Variants in EPC2 observed in about 807,000 individuals in gnomAD.
The protein encoded by EPC2 is enhancer of polycomb 2, also known as enhancer of polycomb homolog 2.
A neutral mutation model predicts 92.1 loss-of-function variants in EPC2; 14 were observed. The observed-to-expected ratio is 0.15, with a 90% CI of 0.10 to 0.24. EPC2 has a LOEUF of 0.24. Ranked by LOEUF, EPC2 falls within the 10% of genes least tolerant of loss-of-function variation. EPC2 has a pLI of 1.00. For missense variants in EPC2, 755 were observed against 971.5 expected, an observed-to-expected ratio of 0.78 and a Z score of 2.96; for synonymous variants, 340 against 334.7, an observed-to-expected ratio of 1.02 and a Z score of -0.17.
At chr2:148,686,692 C>G (rs186548205) in intron 1 of EPC2, among the ~76,000 whole-genome samples, 1 of 152,180 alleles carries the variant, frequency 6.6e-6, no homozygotes, top group African/African-American at 2.4e-5. Flanking sequence ...ATGAAAATAG[C>G]ATTAATCTCC....
intron 2 of EPC2, among the ~76,000 whole-genome samples, chr2:148,714,714 G>C (rs1026820139): frequency 6.6e-6 from 1 of 152,142 alleles, no homozygotes; most frequent in African/African-American, 2.4e-5. Context: ...GTCTTCTTTG[G>C]AGAAGTGTCT....
chr2:148,751,363 AT>A (rs897658353), intron 3 of EPC2, among the ~76,000 whole-genome samples: 7 of 151,492 alleles, frequency 4.6e-5, no homozygotes, highest in African/African-American at 9.7e-5. Flanking sequence ...TGGTAGGATA[AT>A]TTTTTTTTAT....
Position 148,786,400 on chromosome 2 carries a change from T to A in EPC2, c.*23T>A. On this transcript the variant is annotated 3_prime_UTR_variant, in exon 14 of 14. Transcript: ENST00000258484. ...TAACCTAAAACACGTGGCTCTGACC[T>A]GTGCTGATGGTGTGCAGTCATTCAT... 6.3e-7 allele frequency: 1 copy of A among 1,581,904 alleles called. No homozygotes were observed. Among genetic ancestry groups the A allele is most frequent in the Non-Finnish European group, 8.6e-7 (1 of 1,158,080 alleles).
chr2:148,707,077 A>G (rs1468813541), intron 2 of EPC2, among the ~76,000 whole-genome samples: 1 of 152,216 alleles, frequency 6.6e-6, no homozygotes, highest in African/African-American at 2.4e-5. Flanking sequence ...GTCAAGACCC[A>G]TCAGTGTGCT....
chr2:148,746,322 G>T (rs1558827886), intron 3 of EPC2, among the ~76,000 whole-genome samples: 1 of 151,844 alleles, frequency 6.6e-6, no homozygotes. Context: ...ATCCTTTTGG[G>T]AACTGAACTT....
At chr2:148,775,430 A>C (rs912458103) in intron 10 of EPC2, among the ~76,000 whole-genome samples, 6 of 152,000 alleles carry the variant, frequency 3.9e-5, no homozygotes, top group Non-Finnish European at 7.4e-5. Flanking sequence ...TTTCATATCT[A>C]AAAGTGCTTT....
At chr2:148,721,466 G>A (rs532033940) in intron 2 of EPC2, among the ~76,000 whole-genome samples, 1 of 151,766 alleles carries the variant, frequency 6.6e-6, no homozygotes, top group Admixed American at 6.6e-5. Flanking sequence ...CTTCTTTCAA[G>A]GTTTTTTCTT....
chr2:148,688,718 T>C (rs1381484801), intron 1 of EPC2, among the ~76,000 whole-genome samples: 4 of 152,178 alleles, frequency 2.6e-5, no homozygotes, highest in African/African-American at 9.7e-5. Context: ...TAGCTTGACA[T>C]ATAGTAGGAA....
At chr2:148,750,519 T>C (rs187615197) in intron 3 of EPC2, among the ~76,000 whole-genome samples, 2 of 152,214 alleles carry the variant, frequency 1.3e-5, no homozygotes, top group East Asian at 1.9e-4. Context: ...GAAGAAAATG[T>C]TTTCTCCTTA....
chr2:148,724,199 TATTC>T (rs527445379), intron 2 of EPC2, among the ~76,000 whole-genome samples: 13 of 152,120 alleles, frequency 8.5e-5, no homozygotes, highest in South Asian at 6.2e-4. Flanking sequence ...TAAGATAACT[TATTC>T]ATTTATTTTT....
At chr2:148,772,050 C>CA (rs1227881936) in intron 10 of EPC2, among the ~76,000 whole-genome samples, 7 of 152,134 alleles carry the variant, frequency 4.6e-5, no homozygotes. Context: ...CCACCTGCCT[C>CA]AGCCTCCCAA....
chr2:148,748,633 C>A (rs1460449692), intron 3 of EPC2, among the ~76,000 whole-genome samples: 1 of 152,136 alleles, frequency 6.6e-6, no homozygotes, highest in African/African-American at 2.4e-5. Flanking sequence ...TGGAACCCAA[C>A]TGTAAACATG....
At chr2:148,681,902 T>C (rs966853951) in intron 1 of EPC2, among the ~76,000 whole-genome samples, 1 of 151,892 alleles carries the variant, frequency 6.6e-6, no homozygotes, top group Non-Finnish European at 1.5e-5. Flanking sequence ...CCCCGGGGTG[T>C]GATGTTCCCC....
chr2:148,677,049 A>T (rs1025459502), intron 1 of EPC2, among the ~76,000 whole-genome samples: 32 of 152,138 alleles, frequency 2.1e-4, no homozygotes, highest in Non-Finnish European at 7.4e-5. Flanking sequence ...ACCTCTGTCT[A>T]CCCTTTCCCC....
chr2:148,774,104 A>G (rs1683576651), intron 10 of EPC2, among the ~76,000 whole-genome samples: 2 of 152,184 alleles, frequency 1.3e-5, no homozygotes, highest in African/African-American at 4.8e-5. Context: ...GATTATTAGT[A>G]CTGAATTGTC....
chr2:148,699,919 C>T (rs745684379), intron 2 of EPC2, among the ~76,000 whole-genome samples: 1 of 152,098 alleles, frequency 6.6e-6, no homozygotes, highest in Non-Finnish European at 1.5e-5. Flanking sequence ...TGGATTTTAG[C>T]CATTTTACTA....
chr2:148,773,518 GATCT>G (rs1478131841), intron 10 of EPC2, among the ~76,000 whole-genome samples: 1 of 151,972 alleles, frequency 6.6e-6, no homozygotes, highest in Non-Finnish European at 1.5e-5. Flanking sequence ...TTTGAAATAA[GATCT>G]ATCTTATTTA....
intron 6 of EPC2, among the ~76,000 whole-genome samples, chr2:148,764,130 T>A (rs773489548): frequency 5.3e-5 from 8 of 152,232 alleles, no homozygotes; most frequent in Non-Finnish European, 1.2e-4. Flanking sequence ...TCACTAAATA[T>A]AATTTGCCTT....
chr2:148,663,067 G>A (rs973389552), intron 1 of EPC2, among the ~76,000 whole-genome samples: 2 of 151,646 alleles, frequency 1.3e-5, no homozygotes, highest in African/African-American at 4.8e-5. Flanking sequence ...GTGGCTGCAA[G>A]TAGGGTGAGA....
Sources: gnomAD v4.1 joint callset for allele counts (sites outside exome capture counted in the v4.1 genomes callset) on GRCh38, gnomAD v4.1.1 for gene constraint, MANE v1.5 for transcripts, NCBI Gene and HGNC (gene_info 2026-07-23, HGNC 2026-07-21) for gene names.